Variants in EML5 observed in about 807,000 individuals in gnomAD.
The protein encoded by EML5 is echinoderm microtubule-associated protein-like 5.
A neutral mutation model predicts 250.0 loss-of-function variants in EML5; 120 were observed. That is an observed-to-expected ratio of 0.48 (90% CI 0.41 to 0.56). The LOEUF (loss-of-function observed/expected upper bound fraction) is 0.56. Among genes scored for constraint, EML5 ranks in the 20% least tolerant of loss-of-function variants. The probability of loss-of-function intolerance (pLI) is 0.00; values close to 1 mark genes in which losing one functional copy is unlikely to be tolerated. For missense variants in EML5, 2,006 were observed against 2,437.6 expected (o/e 0.82, Z 3.73); for synonymous variants, 771 against 806.5 (o/e 0.96, Z 0.75).
At chr14:88,639,040 T>TACAG (rs952411094) in intron 31 of EML5, 133 bp from the exon 32 acceptor site, 5 of 640,006 alleles carry the variant, frequency 7.8e-6, no homozygotes, top group African/African-American at 7.4e-5. Context: ...TTACTATGTA[T>TACAG]ACAGCATCAT....
chr14:88,755,629 G>C (rs1225440531), intron 1 of EML5, among the ~76,000 whole-genome samples: 1 of 152,018 alleles, frequency 6.6e-6, no homozygotes, highest in African/African-American at 2.4e-5. Flanking sequence ...TTGCCCTTGA[G>C]ATGAACAAGA....
At chr14:88,646,230 A>C (rs575033987) in intron 29 of EML5, among the ~76,000 whole-genome samples, 1 of 152,316 alleles carries the variant, frequency 6.6e-6, no homozygotes, top group Admixed American at 6.5e-5. Context: ...AACATCAATA[A>C]AAGTAAATGT....
chr14:88,675,886 C>T (rs2092583607), intron 21 of EML5, among the ~76,000 whole-genome samples: 1 of 152,054 alleles, frequency 6.6e-6, no homozygotes, highest in South Asian at 2.1e-4. Context: ...ATCTCCAGGG[C>T]TGAGGGAAAA....
chr14:88,774,636 G>A (rs2140661440), intron 1 of EML5, among the ~76,000 whole-genome samples: 1 of 152,218 alleles, frequency 6.6e-6, no homozygotes, highest in African/African-American at 2.4e-5. Flanking sequence ...TGACTTCCAT[G>A]ATCTTATACT....
intron 21 of EML5, 31 bp from the exon 22 acceptor site, chr14:88,665,520 T>C (rs1305125684): frequency 6.2e-7 from 1 of 1,612,744 alleles, no homozygotes; most frequent in African/African-American, 1.3e-5. Flanking sequence ...TAGGCAATTT[T>C]CCCTTTTTTC....
rs558449455 is a variant in EML5, at chr14:88,615,710, T to C, written c.*108A>G. 1.0e-6 allele frequency: 1 copy of C among 988,462 alleles called. No individual in the cohort carries two copies. The highest frequency in any genetic ancestry group is 1.6e-5 in the South Asian group (1 of 64,220). 61.2% of individuals were successfully genotyped at this position (988,462 alleles called of 1,614,324 possible). On this transcript the variant is annotated 3_prime_UTR_variant, in exon 44 of 44. Transcript: ENST00000554922. Reference sequence around the variant, plus strand: ...TTTGATGATTCTGGGCATTTCTCCCTGTTACAGTCTTGGGTTAGCACCACT... The same window carrying C: ...TTTGATGATTCTGGGCATTTCTCCCCGTTACAGTCTTGGGTTAGCACCACT...
chr14:88,693,918 A>C (rs1225223331), intron 17 of EML5, among the ~76,000 whole-genome samples: 1 of 150,764 alleles, frequency 6.6e-6, no homozygotes, highest in Non-Finnish European at 1.5e-5. Flanking sequence ...CCACAGGTAC[A>C]CACCACCATG....
At chr14:88,632,508 A>G (rs1041328268) in intron 33 of EML5, among the ~76,000 whole-genome samples, 4 of 152,144 alleles carry the variant, frequency 2.6e-5, no homozygotes, top group Non-Finnish European at 5.9e-5. Flanking sequence ...CCCTCTCTAC[A>G]TTCATCTCAG....
chr14:88,725,042 T>A (rs1349242755), intron 8 of EML5, among the ~76,000 whole-genome samples: 11 of 152,220 alleles, frequency 7.2e-5, no homozygotes, highest in African/African-American at 2.7e-4. Flanking sequence ...AGCTTTAATT[T>A]ATATTCAAAT....
At chr14:88,649,036 C>T (rs967241525) in intron 28 of EML5, among the ~76,000 whole-genome samples, 1 of 151,432 alleles carries the variant, frequency 6.6e-6, no homozygotes, top group African/African-American at 2.4e-5. Context: ...CCTCCCGCCA[C>T]CCCCCACCCC....
chr14:88,731,320 T>G, intron 7 of EML5, among the ~76,000 whole-genome samples: 1 of 80,882 alleles, frequency 1.2e-5, no homozygotes, highest in Non-Finnish European at 2.1e-5. Context: ...ACATGCAGTG[T>G]TTGGTTTTTG....
rs374242904 is a variant in EML5 at position 88,740,584 on chromosome 14, A to G, written c.526-12T>C. On this transcript the variant is annotated splice_polypyrimidine_tract_variant and intron_variant, in intron 4 of 43. Transcript: ENST00000554922. ...CATAAACTCCAGAACTAAAAGGTAT[A>G]TAGTATAATCAAATTACCAAAGAAT... The G allele has an allele frequency of 3.8e-5, 59 of 1,563,184 alleles. No homozygotes were observed. Among genetic ancestry groups the G allele is most frequent in the Non-Finnish European group, 4.9e-5 (57 of 1,156,334 alleles).
intron 26 of EML5, 35 bp from the exon 27 acceptor site, chr14:88,657,537 A>G (rs1248499737): frequency 1.3e-6 from 2 of 1,553,122 alleles, no homozygotes; most frequent in East Asian, 2.3e-5. Flanking sequence ...TCTTTAAGCA[A>G]TAACTGAGAT....
chr14:88,693,763 C>CTTT (rs71127002), intron 17 of EML5, among the ~76,000 whole-genome samples: 287 of 62,854 alleles, frequency 4.6e-3, no homozygotes, highest in Non-Finnish European at 6.0e-3. Context: ...ATGTTAACAT[C>CTTT]TTTTTTTTTT....
At chr14:88,616,962 C>A in intron 41 of EML5, 83 bp from the exon 42 acceptor site, 1 of 1,298,794 alleles carries the variant, frequency 7.7e-7, no homozygotes, top group Non-Finnish European at 1.1e-6. Flanking sequence ...GGCAATTAAT[C>A]TCTAAGTACC....
Position 88,746,078 on chromosome 14 carries a change from T to C in EML5, c.456+107A>G, listed in dbSNP as rs2094000451. 7 of 824,940 alleles carry C rather than the reference T, an allele frequency of 8.5e-6. No individual in the cohort carries two copies. The South Asian group carries it at 1.1e-4, about 12-fold the overall frequency. 51.1% of individuals were successfully genotyped at this position (824,940 alleles called of 1,614,324 possible). ...TACCAATTGTAAAATTTTAATTACATATGACCTATCTGGCAATAACAAAAT... is the reference window on the plus strand; with the variant it reads ...TACCAATTGTAAAATTTTAATTACACATGACCTATCTGGCAATAACAAAAT... On this transcript the variant is annotated intron_variant, in intron 3 of 43. Coordinates refer to ENST00000554922, the MANE Select transcript of EML5 (RefSeq NM_183387.3).
intron 23 of EML5, 30 bp from the exon 24 acceptor site, chr14:88,663,149 C>A: frequency 7.0e-7 from 1 of 1,420,728 alleles, no homozygotes; most frequent in Non-Finnish European, 9.6e-7. Flanking sequence ...AATATTTACA[C>A]ATATAAAATA....
At chr14:88,645,198 G>A (rs1226374380) in intron 29 of EML5, among the ~76,000 whole-genome samples, 1 of 150,610 alleles carries the variant, frequency 6.6e-6, no homozygotes, top group Non-Finnish European at 1.5e-5. Context: ...GCTAATGTGT[G>A]TATTTTTAGT....
At chr14:88,684,882 T>C (rs1285382820) in intron 20 of EML5, 133 bp downstream of exon 20, 19 of 787,380 alleles carry the variant, frequency 2.4e-5, no homozygotes, top group Non-Finnish European at 3.4e-5. Context: ...ACATTAAATT[T>C]TTTTTCTGTA....
Sources: allele counts gnomAD v4.1 joint callset (sites outside exome capture counted in the v4.1 genomes callset), GRCh38; gene constraint gnomAD v4.1.1; transcripts MANE v1.5; gene names NCBI Gene and HGNC (gene_info 2026-07-23, HGNC 2026-07-21).